KIF24: variants seen among roughly 807,000 people sequenced by gnomAD.
The protein encoded by KIF24 is kinesin family member 24.
A neutral mutation model predicts 118.9 loss-of-function variants in KIF24; 81 were observed. That is an observed-to-expected ratio of 0.68 (90% CI 0.57 to 0.82). The LOEUF is 0.82. Among genes scored for constraint, KIF24 ranks in the 40% least tolerant of loss-of-function variants. KIF24 has a pLI of 0.00. For missense variants in KIF24, 1,560 were observed against 1,661.6 expected (o/e 0.94, Z 1.06); for synonymous variants, 599 against 610.0 (o/e 0.98, Z 0.27).
At chr9:34,327,939 G>A (rs1587981827) in intron 1 of KIF24, among the ~76,000 whole-genome samples, 1 of 152,110 alleles carries the variant, frequency 6.6e-6, no homozygotes, top group South Asian at 2.1e-4. Context: ...CCCACATGTA[G>A]TGGGTTTCCA....
In KIF24 at chr9:34,254,214, G is replaced by T; in HGVS notation, c.*166C>A. The stretch of plus-strand genomic sequence containing the variant: ...ACAGGGGCCTGTCCCTGAGGGAGAA[G>T]CTGGGACCTATCTGAAGCCACGTGG... On this transcript the variant is annotated 3_prime_UTR_variant, in exon 13 of 13. Transcript: ENST00000402558. The T allele has an allele frequency of 1.6e-6, 1 of 630,454 alleles. No homozygotes were observed. Among genetic ancestry groups the T allele is most frequent in the Non-Finnish European group, 2.6e-6 (1 of 391,530 alleles). 39.1% of individuals were successfully genotyped at this position (630,454 alleles called of 1,614,324 possible). A position where few individuals can be genotyped will look rare whatever the true frequency, so the allele number is the denominator to read the frequency against.
At chr9:34,293,143 G>A (rs1836317663) in intron 4 of KIF24, among the ~76,000 whole-genome samples, 1 of 151,888 alleles carries the variant, frequency 6.6e-6, no homozygotes, top group Non-Finnish European at 1.5e-5. Flanking sequence ...AAACAACAAA[G>A]CACAAAAAAA....
At chr9:34,262,970 CCTT>C (rs1301953456) in intron 9 of KIF24, 128 bp downstream of exon 9, 4 of 677,498 alleles carry the variant, frequency 5.9e-6, no homozygotes, top group Admixed American at 4.5e-5. Context: ...TCACTCCTCT[CCTT>C]CTCTTTTCCC....
At chr9:34,283,142 G>C (rs1439997551) in intron 6 of KIF24, among the ~76,000 whole-genome samples, 2 of 151,386 alleles carry the variant, frequency 1.3e-5, no homozygotes, top group East Asian at 1.9e-4. Context: ...CAAGGTGAGA[G>C]GATTGCTTGA....
Position 34,256,403 on chromosome 9 carries a change from C to T in KIF24, c.3204G>A (p.Ser1068=), listed in dbSNP as rs765549477. The T allele has an allele frequency of 1.1e-5, 17 of 1,613,930 alleles. No individual in the cohort carries two copies. The highest frequency in any genetic ancestry group is 1.6e-4 in the Middle Eastern group (1 of 6,062). ...TAGCCCCATCCTGGACCAGCTGCTC[C>T]GAGGGAGGAGACCCTTCGTTGTCTG... ...ENPDNEGSPP[S]EQLVQDGATH... The change falls in exon 11 of 13, where the codon TCG becomes TCA. Residue 1068 remains serine, a synonymous_variant. Coordinates refer to ENST00000402558, the MANE Select transcript of KIF24 (RefSeq NM_194313.4).
chr9:34,286,511 C>T (rs2131742026), intron 6 of KIF24, 106 bp downstream of exon 6: 1 of 734,456 alleles, frequency 1.4e-6, no homozygotes, highest in Non-Finnish European at 2.4e-6. Context: ...TTGTCATTGC[C>T]CTTTGCCTAA....
At chr9:34,299,173 A>C (rs180825718) in intron 3 of KIF24, among the ~76,000 whole-genome samples, 35 of 151,946 alleles carry the variant, frequency 2.3e-4, no homozygotes, top group Non-Finnish European at 4.4e-4. Flanking sequence ...ATAGTAATAT[A>C]TATTTTGTTC....
At chr9:34,290,452 T>C (rs937493515) in intron 4 of KIF24, 63 bp from the exon 5 acceptor site, 2 of 1,045,990 alleles carry the variant, frequency 1.9e-6, no homozygotes, top group Middle Eastern at 2.1e-4. Context: ...TACCCATAGA[T>C]TTTTAATGAC....
chr9:34,255,579 G>A (rs979480651), intron 11 of KIF24, among the ~76,000 whole-genome samples, 156 bp downstream of exon 11: 1 of 152,182 alleles, frequency 6.6e-6, no homozygotes, highest in Admixed American at 6.5e-5. Context: ...ACTTCCTGTG[G>A]AGGGCCCGGG....
At chr9:34,265,146 T>C (rs1181956419) in intron 8 of KIF24, among the ~76,000 whole-genome samples, 7 of 152,326 alleles carry the variant, frequency 4.6e-5, no homozygotes, top group South Asian at 4.1e-4. Context: ...ATTTTTACTT[T>C]AAAACCACAT....
At chr9:34,266,895 T>C (rs1377617256) in intron 8 of KIF24, among the ~76,000 whole-genome samples, 14 of 152,074 alleles carry the variant, frequency 9.2e-5, no homozygotes, top group Admixed American at 9.2e-4. Flanking sequence ...CTAAATATGT[T>C]GAATTTAAGC....
intron 4 of KIF24, among the ~76,000 whole-genome samples, chr9:34,295,634 C>T (rs942262648): frequency 2.6e-5 from 4 of 152,092 alleles, no homozygotes; most frequent in Admixed American, 6.6e-5. Context: ...GCCAAGATTG[C>T]ACCACTGCAC....
At chr9:34,293,164 A>G (rs947022767) in intron 4 of KIF24, among the ~76,000 whole-genome samples, 6 of 152,166 alleles carry the variant, frequency 3.9e-5, no homozygotes, top group Non-Finnish European at 5.9e-5. Flanking sequence ...TGGGCAAATG[A>G]AGATATCCAA....
Position 34,318,682 on chromosome 9 carries a change from C to T in KIF24, c.-25-7311G>A. ...GCAAGGCGACCACGGCGTCGGAGGC[C>T]AAGGCAGTGCTGAGTGCCAAGCAGC... On this transcript the variant is annotated intron_variant, in intron 1 of 12. Transcript: ENST00000402558. This position sits in a 1 kb window ranked among gnomAD's most constrained non-coding sequence, Gnocchi z 4.9. The T allele has an allele frequency of 6.5e-7, 1 of 1,538,098 alleles. No homozygotes were observed. The highest frequency in any genetic ancestry group is 2.3e-5 in the East Asian group (1 of 43,894).
Position 34,256,239 on chromosome 9 carries a change from G to A in KIF24, c.3368C>T (p.Pro1123Leu), listed in dbSNP as rs764673766. The A allele has an allele frequency of 1.9e-5, 30 of 1,605,094 alleles. No homozygotes were observed. The highest frequency in any genetic ancestry group is 1.9e-5 in the Non-Finnish European group (22 of 1,175,126). Residue 1123 changes from proline to leucine, a missense_variant, in exon 11 of 13, where the codon CCT becomes CTT. Physicochemically the swap from Pro to Leu is moderately conservative, Grantham distance 98. Around this residue, in one of 3 missense-constraint regions of KIF24, gnomAD observed 591 missense variants for 655.6 expected, o/e 0.90. Coordinates refer to ENST00000402558, the MANE Select transcript of KIF24 (RefSeq NM_194313.4). Reference protein sequence around the residue: ...WLSSSPPDNKPGGDLPALSPS... With the variant: ...WLSSSPPDNKLGGDLPALSPS... ...GGACAGAGCTGGAAGATCACCACCAGGCTTATTATCAGGGGGAGATGAGGA... is the reference window on the plus strand; with the variant it reads ...GGACAGAGCTGGAAGATCACCACCAAGCTTATTATCAGGGGGAGATGAGGA...
chr9:34,270,794 A>C (rs1263088197), intron 7 of KIF24, among the ~76,000 whole-genome samples: 1 of 146,506 alleles, frequency 6.8e-6, no homozygotes, highest in African/African-American at 2.5e-5. Flanking sequence ...TTTGAGACGG[A>C]GTCTCGCTCT....
chr9:34,311,458 C>T, intron 1 of KIF24, 87 bp from the exon 2 acceptor site: 1 of 604,096 alleles, frequency 1.7e-6, no homozygotes, highest in East Asian at 3.1e-5. Context: ...CACAAAACCA[C>T]AAAACAAACA....
chr9:34,319,512 G>C, intron 1 of KIF24: 1 of 1,277,624 alleles, frequency 7.8e-7, no homozygotes, highest in South Asian at 1.2e-5. Context: ...GGACATCTAT[G>C]GGAGCAAGGA....
chr9:34,293,503 G>A (rs556991688), intron 4 of KIF24, among the ~76,000 whole-genome samples: 1 of 149,076 alleles, frequency 6.7e-6, no homozygotes, highest in Admixed American at 6.7e-5. Context: ...GGCCGGACGC[G>A]GTGGCTCAGG....
Sources: gnomAD v4.1 joint callset for allele counts (sites outside exome capture counted in the v4.1 genomes callset) on GRCh38, gnomAD v4.1.1 for gene constraint, gnomAD v4.1.1 regional missense constraint, Gnocchi (gnomAD v3.1) non-coding constraint, MANE v1.5 for transcripts, NCBI Gene and HGNC (gene_info 2026-07-23, HGNC 2026-07-21) for gene names.